The following NEK11 variants were observed in gnomAD, a reference collection of about 807,000 sequenced individuals.
NEK11 encodes serine/threonine-protein kinase Nek11.
A neutral mutation model predicts 80.7 loss-of-function variants in NEK11; 72 were observed. The ratio of observed to expected loss-of-function variants is 0.89; its 90% CI spans 0.74 to 1.08. NEK11 has a LOEUF of 1.08. NEK11 is among the 50% of genes least tolerant of loss of function. NEK11 has a pLI of 0.00. For synonymous variants in NEK11, 251 were observed against 260.7 expected (o/e 0.96, Z 0.36); for missense variants, 764 against 763.6 (o/e 1.00, Z -0.01).
intron 10 of NEK11, among the ~76,000 whole-genome samples, chr3:131,156,530 A>G (rs2090670127): frequency 6.6e-6 from 1 of 152,200 alleles, no homozygotes; most frequent in Admixed American, 6.5e-5. Context: ...CTAGTCGGCC[A>G]TCTTGCCCCT....
At chr3:131,097,518 C>T (rs1439950929) in intron 4 of NEK11, among the ~76,000 whole-genome samples, 1 of 152,136 alleles carries the variant, frequency 6.6e-6, no homozygotes, top group Non-Finnish European at 1.5e-5. Context: ...TGTCTTTTGG[C>T]TGCATAAATG....
intron 17 of NEK11, among the ~76,000 whole-genome samples, chr3:131,289,562 G>C (rs1052146262): frequency 5.9e-5 from 9 of 152,202 alleles, no homozygotes; most frequent in Non-Finnish European, 1.2e-4. Flanking sequence ...ACCTCCACCT[G>C]TAGAACAGAG....
Position 131,228,647 on chromosome 3 carries a change from A to G in NEK11, c.1519A>G (p.Arg507Gly). ...GTTAGAAAGACCAGAGAAAGAAATC[A>G]GGAATGAGGGATCCCAGCCTGCTTA... ...IALERPEKEI[R>G]NEGSQPAYRT... Residue 507 changes from arginine to glycine, a missense_variant, in exon 15 of 18, where the codon AGG becomes GGG. Coordinates refer to ENST00000383366, the MANE Select transcript of NEK11 (RefSeq NM_024800.5). The G allele has an allele frequency of 6.2e-7, 1 of 1,613,720 alleles. No homozygotes were observed. Among genetic ancestry groups the G allele is most frequent in the Non-Finnish European group, 8.5e-7 (1 of 1,179,718 alleles).
rs368843126 is a variant in NEK11, at chr3:131,306,443, T to TTTCTCAG, written c.1718+32879_1718+32885dup. ...CCTCTGGCTGTGAACTTTGTAAGCC[T>TTTCTCAG]TTCTCAGTTCTCAGTTTCTCAGGGG... is the stretch of plus-strand genomic sequence containing the variant. On this transcript the variant is annotated intron_variant, in intron 17 of 17. Coordinates refer to ENST00000383366, the MANE Select transcript of NEK11 (RefSeq NM_024800.5). 7.0e-3 allele frequency among the ~76,000 whole-genome samples: 1,065 copies of TTTCTCAG among 152,306 alleles called. 6 individuals carry two copies. Among genetic ancestry groups the TTTCTCAG allele is most frequent in the Non-Finnish European group, 0.011 (737 of 68,028 alleles).
At chr3:131,117,094 GT>G (rs1428359892) in intron 5 of NEK11, among the ~76,000 whole-genome samples, 1 of 152,140 alleles carries the variant, frequency 6.6e-6, no homozygotes, top group Non-Finnish European at 1.5e-5. Flanking sequence ...TTCTTCTAGG[GT>G]TTTTATGGTT....
At chr3:131,072,585 G>T (rs2073588803) in intron 3 of NEK11, among the ~76,000 whole-genome samples, 1 of 152,142 alleles carries the variant, frequency 6.6e-6, no homozygotes, top group Non-Finnish European at 1.5e-5. Context: ...TTTGTCTCAG[G>T]TTGTGGGGGA....
chr3:131,292,570 C>T (rs1445333420), intron 17 of NEK11, among the ~76,000 whole-genome samples: 1 of 149,590 alleles, frequency 6.7e-6, no homozygotes, highest in African/African-American at 2.5e-5. Flanking sequence ...GGCTGGAGTG[C>T]AGTGGTGTGA....
chr3:131,139,606 T>C (rs969969615), intron 7 of NEK11, among the ~76,000 whole-genome samples: 1 of 152,196 alleles, frequency 6.6e-6, no homozygotes, highest in Non-Finnish European at 1.5e-5. Context: ...ATACTCCTGT[T>C]TTGTTAATTC....
intron 15 of NEK11, among the ~76,000 whole-genome samples, chr3:131,233,034 A>T (rs11929074): frequency 0.043 from 6,096 of 140,344 alleles, 272 homozygotes; most frequent in African/African-American, 0.11. Context: ...GGAAGGAAGG[A>T]AGGTTGGATG....
Position 131,080,572 on chromosome 3 carries a change from T to A in NEK11, c.320T>A (p.Ile107Asn), listed in dbSNP as rs781404393. The change falls in exon 4 of 18, where the codon ATC (isoleucine) becomes AAC (asparagine). Residue 107 changes from isoleucine (I) to asparagine (N), a missense_variant. Coordinates refer to ENST00000383366, the MANE Select transcript of NEK11 (RefSeq NM_024800.5). ...SFVEQDNFCIITEYCEGRDLD... is the reference protein window; with the variant it reads ...SFVEQDNFCINTEYCEGRDLD... ...GTGGAGCAAGATAATTTCTGCATTA[T>A]CACGGAGTACTGTGAGGTGAGACTC... 1.2e-6 allele frequency: 2 copies of A among 1,612,790 alleles called. No homozygotes were observed. The highest frequency in any genetic ancestry group is 1.3e-5 in the African/African-American group (1 of 74,834).
At chr3:131,228,347 A>G (rs1039122058) in intron 14 of NEK11, among the ~76,000 whole-genome samples, 181 bp from the exon 15 acceptor site, 2 of 152,104 alleles carry the variant, frequency 1.3e-5, no homozygotes, top group African/African-American at 4.8e-5. Context: ...TACTGGTTTT[A>G]TTTTGCTGAG....
chr3:131,202,463 G>A (rs2150392275), intron 14 of NEK11, among the ~76,000 whole-genome samples: 1 of 152,312 alleles, frequency 6.6e-6, no homozygotes, highest in East Asian at 1.9e-4. Context: ...TGGCTCAGCA[G>A]GTCCCACGCC....
At chr3:131,069,556 A>G (rs1250508410) in intron 3 of NEK11, among the ~76,000 whole-genome samples, 1 of 152,114 alleles carries the variant, frequency 6.6e-6, no homozygotes, top group South Asian at 2.1e-4. Context: ...TATTCGCAAT[A>G]GCAAAGACTT....
intron 14 of NEK11, among the ~76,000 whole-genome samples, chr3:131,215,429 AT>A (rs1333146035): frequency 3.3e-5 from 5 of 152,128 alleles, no homozygotes; most frequent in South Asian, 2.1e-4. Context: ...TAACAAAAAA[AT>A]ATATAAAAAA....
At chr3:131,125,875 C>G (rs1303250265) in intron 5 of NEK11, among the ~76,000 whole-genome samples, 1 of 152,140 alleles carries the variant, frequency 6.6e-6, no homozygotes, top group Admixed American at 6.5e-5. Context: ...GCTAAGGCTG[C>G]CAGAAGCATT....
rs77212123 is a variant in NEK11 at position 131,293,803 on chromosome 3, G to A, written c.1718+20229G>A. On this transcript the variant is annotated intron_variant, in intron 17 of 17. Coordinates refer to ENST00000383366, the MANE Select transcript of NEK11 (RefSeq NM_024800.5). ...ATAGTCTATTCTTGTATGAGTTTTA[G>A]CAACTTGTGTCTTTCAAGGAATTGG... Among the ~76,000 whole-genome samples the A allele has an allele frequency of 9.0e-3, 1,372 of 152,102 alleles. 22 individuals are homozygous for A. The highest frequency in any genetic ancestry group is 0.031 in the African/African-American group (1,281 of 41,506).
chr3:131,056,645 C>G (rs1560196152), intron 3 of NEK11, among the ~76,000 whole-genome samples: 3 of 145,696 alleles, frequency 2.1e-5, no homozygotes, highest in Non-Finnish European at 4.6e-5. Flanking sequence ...TTTGAAACTC[C>G]CTGTGTCATA....
rs1048334654 is a variant in NEK11 at position 131,235,009 on chromosome 3, GA to G, written c.1560+6327del. Among the ~76,000 whole-genome samples, 5 of 152,136 alleles carry G rather than the reference GA, an allele frequency of 3.3e-5. No homozygotes were observed. In the East Asian group the frequency reaches 9.7e-4, roughly 29 times the overall value. ...AGAAAAAGGAGAAAGGCAATAGGGT[GA>G]AAAAAGGGCAAAGCAAATCTGAGCA... is the stretch of plus-strand genomic sequence containing the variant. On this transcript the variant is annotated intron_variant, in intron 15 of 17. Coordinates refer to ENST00000383366, the MANE Select transcript of NEK11 (RefSeq NM_024800.5).
At chr3:131,238,744 C>G (rs946949004) in intron 15 of NEK11, among the ~76,000 whole-genome samples, 1 of 151,930 alleles carries the variant, frequency 6.6e-6, no homozygotes, top group African/African-American at 2.4e-5. Flanking sequence ...GGGCGCGTTC[C>G]AGAAACTGCA....
Sources: gnomAD v4.1 joint callset for allele counts (sites outside exome capture counted in the v4.1 genomes callset) on GRCh38, gnomAD v4.1.1 for gene constraint, MANE v1.5 for transcripts, NCBI Gene and HGNC (gene_info 2026-07-23, HGNC 2026-07-21) for gene names.